The following HEPACAM2 variants were observed in gnomAD, a reference collection of about 807,000 sequenced individuals.
HEPACAM2 encodes the protein mitotic kinetics regulator.
In HEPACAM2, 49 loss-of-function variants were observed where a neutral mutation model predicts 49.6. The observed-to-expected ratio is 0.99, with a 90% CI of 0.78 to 1.25. The LOEUF (loss-of-function observed/expected upper bound fraction) is 1.25. Ranked by LOEUF, HEPACAM2 falls within the 50% of genes most tolerant of loss-of-function variation. The probability of loss-of-function intolerance (pLI) is 0.00; values close to 1 mark genes in which losing one functional copy is unlikely to be tolerated. For missense variants in HEPACAM2, 525 were observed against 557.2 expected, an observed-to-expected ratio of 0.94 and a Z score of 0.58; for synonymous variants, 197 against 202.9, an observed-to-expected ratio of 0.97 and a Z score of 0.25.
At chr7:93,214,268 G>T (rs1464528033) in intron 3 of HEPACAM2, among the ~76,000 whole-genome samples, 1 of 152,218 alleles carries the variant, frequency 6.6e-6, no homozygotes, top group African/African-American at 2.4e-5. Context: ...ATGAGATGTT[G>T]ACCAAGTGAA....
intron 3 of HEPACAM2, among the ~76,000 whole-genome samples, chr7:93,214,915 A>T (rs888791440): frequency 4.6e-5 from 7 of 152,332 alleles, no homozygotes; most frequent in African/African-American, 1.7e-4. Flanking sequence ...TAGAGTTTAA[A>T]GACAGGCAGG....
rs768917902 is a variant in HEPACAM2, at chr7:93,208,698, G to A, written c.894C>T (p.Arg298=). 1 of 1,613,218 alleles carries A rather than the reference G, an allele frequency of 6.2e-7. No homozygotes were observed. The highest frequency in any genetic ancestry group is 8.5e-7 in the Non-Finnish European group (1 of 1,179,454). The change falls in exon 4 of 10, where the codon CGC becomes CGT. Residue 298 remains arginine, a synonymous_variant. Transcript: ENST00000394468. ...CTACTTTCTCAGATGCAACTTCTAAGCGAGGCCCATGCTTAATGATATATG... is the reference window on the plus strand; with the variant it reads ...CTACTTTCTCAGATGCAACTTCTAAACGAGGCCCATGCTTAATGATATATG... The part of the protein sequence containing the change: ...NTTYIIKHGP[R]LEVASEKVAQ...
chr7:93,226,055 A>T (rs867823295), intron 1 of HEPACAM2: 1 of 567,172 alleles, frequency 1.8e-6, no homozygotes, highest in African/African-American at 1.9e-5. Flanking sequence ...AAATGCATTA[A>T]AGACTATTGA....
chr7:93,199,750 C>T (rs578054536), intron 4 of HEPACAM2, among the ~76,000 whole-genome samples: 1 of 152,178 alleles, frequency 6.6e-6, no homozygotes, highest in East Asian at 1.9e-4. Flanking sequence ...CTTATAAACA[C>T]ACACAATACA....
chr7:93,190,149 A>G (rs1232768582), intron 9 of HEPACAM2, among the ~76,000 whole-genome samples: 1 of 152,060 alleles, frequency 6.6e-6, no homozygotes, highest in Non-Finnish European at 1.5e-5. Flanking sequence ...TGAAGTGATT[A>G]TAAGTAAAAT....
At chr7:93,215,162 G>A (rs1377788088) in intron 3 of HEPACAM2, among the ~76,000 whole-genome samples, 1 of 152,118 alleles carries the variant, frequency 6.6e-6, no homozygotes, top group African/African-American at 2.4e-5. Flanking sequence ...ACTGAATCAC[G>A]AAATACAACC....
At chr7:93,193,532 C>T (rs1013758595) in intron 8 of HEPACAM2, among the ~76,000 whole-genome samples, 1 of 152,100 alleles carries the variant, frequency 6.6e-6, no homozygotes, top group Non-Finnish European at 1.5e-5. Context: ...GCTAAATGGA[C>T]AATGAAATGT....
chr7:93,192,102 T>G (rs1793564166), intron 9 of HEPACAM2, 152 bp downstream of exon 9: 1 of 515,574 alleles, frequency 1.9e-6, no homozygotes, highest in African/African-American at 2.0e-5. Context: ...TTCTCAAAAT[T>G]ATGCTCAGGT....
chr7:93,225,016 T>C (rs1357357600), intron 1 of HEPACAM2, among the ~76,000 whole-genome samples: 1 of 152,138 alleles, frequency 6.6e-6, no homozygotes, highest in African/African-American at 2.4e-5. Context: ...GAGAAGGTCT[T>C]AAGGTATAAA....
At chr7:93,215,788 C>A in intron 2 of HEPACAM2, 103 bp from the exon 3 acceptor site, 1 of 1,112,606 alleles carries the variant, frequency 9.0e-7, no homozygotes, top group Non-Finnish European at 1.3e-6. Flanking sequence ...ATTATTCCAG[C>A]ATTTTACACT....
chr7:93,225,913 A>G, intron 1 of HEPACAM2: 2 of 1,435,114 alleles, frequency 1.4e-6, no homozygotes, highest in Non-Finnish European at 1.9e-6. Flanking sequence ...GATGAGACAG[A>G]TAACTTAAAA....
intron 9 of HEPACAM2, among the ~76,000 whole-genome samples, chr7:93,191,343 C>A (rs1176663731): frequency 1.3e-5 from 2 of 151,968 alleles, no homozygotes; most frequent in South Asian, 2.1e-4. Context: ...GACGCACAGT[C>A]CCCCCAGCAC....
intron 4 of HEPACAM2, among the ~76,000 whole-genome samples, chr7:93,199,607 T>C (rs1249274036): frequency 6.6e-6 from 1 of 152,078 alleles, no homozygotes; most frequent in Non-Finnish European, 1.5e-5. Context: ...ATTTAAGTTC[T>C]CTTCTTGCTC....
At chr7:93,190,936 T>C (rs1056014660) in intron 9 of HEPACAM2, among the ~76,000 whole-genome samples, 1 of 152,060 alleles carries the variant, frequency 6.6e-6, no homozygotes, top group Non-Finnish European at 1.5e-5. Context: ...GTTTACATTC[T>C]AATGTGAAAA....
At chr7:93,192,484 T>G (rs1400811282) in intron 8 of HEPACAM2, 121 bp from the exon 9 acceptor site, 2 of 718,620 alleles carry the variant, frequency 2.8e-6, no homozygotes, top group African/African-American at 3.6e-5. Context: ...ACTATTTATC[T>G]TCCCTAGAAA....
chr7:93,219,484 T>C (rs1365872101), intron 1 of HEPACAM2, 33 bp from the exon 2 acceptor site: 1 of 1,612,084 alleles, frequency 6.2e-7, no homozygotes, highest in Non-Finnish European at 8.5e-7. Context: ...TGTGAAGACC[T>C]TGAGCCACAT....
chr7:93,224,416 A>G (rs1794504580), intron 1 of HEPACAM2, among the ~76,000 whole-genome samples: 1 of 152,162 alleles, frequency 6.6e-6, no homozygotes, highest in Non-Finnish European at 1.5e-5. Context: ...TAACAAACAA[A>G]AACTCTTATA....
At chr7:93,219,531 A>G (rs1224938953) in intron 1 of HEPACAM2, 80 bp from the exon 2 acceptor site, 1 of 1,589,912 alleles carries the variant, frequency 6.3e-7, no homozygotes, top group Non-Finnish European at 8.5e-7. Context: ...AGAGAACCTG[A>G]TCAGGTGATA....
chr7:93,219,578 T>A, intron 1 of HEPACAM2, 127 bp from the exon 2 acceptor site: 1 of 1,509,686 alleles, frequency 6.6e-7, no homozygotes, highest in Non-Finnish European at 8.9e-7. Flanking sequence ...AGGTACTGAC[T>A]ATTCTAGTAC....
Sources: allele counts gnomAD v4.1 joint callset (sites outside exome capture counted in the v4.1 genomes callset), GRCh38; gene constraint gnomAD v4.1.1; transcripts MANE v1.5; gene names NCBI Gene and HGNC (gene_info 2026-07-23, HGNC 2026-07-21).